BCCIP: variants seen among roughly 807,000 people sequenced by gnomAD.
BCCIP encodes the protein BRCA2 and CDKN1A interacting protein.
In BCCIP, 23 loss-of-function variants were observed where a neutral mutation model predicts 32.8. The observed-to-expected ratio is 0.70, with a 90% CI of 0.51 to 0.99. The LOEUF (loss-of-function observed/expected upper bound fraction) is 0.99. Among genes scored for constraint, BCCIP ranks in the 50% least tolerant of loss-of-function variants. The pLI is 0.00. For synonymous variants in BCCIP, 144 were observed against 137.6 expected (o/e 1.05, Z -0.33); for missense variants, 378 against 379.8 (o/e 1.00, Z 0.04).
exon 7 of BCCIP, chr10:125,842,291 A>G (rs563762214): frequency 2.4e-5 from 5 of 211,564 alleles, no homozygotes; most frequent in Admixed American, 6.1e-5. Flanking sequence ...AGAGAGACAC[A>G]CAGATCTAAG....
At chr10:125,843,945 T>C (rs17737550), downstream of BCCIP, among the ~76,000 whole-genome samples, 5,989 of 152,268 alleles carry the variant, frequency 0.039, 145 homozygotes, top group Middle Eastern at 0.071. Flanking sequence ...ATATGTTGAA[T>C]TTCCCTATTC....
At chr10:125,846,810 C>T (rs1328036301), downstream of BCCIP, among the ~76,000 whole-genome samples, 11 of 152,272 alleles carry the variant, frequency 7.2e-5, no homozygotes, top group African/African-American at 1.4e-4. Flanking sequence ...CTTTCTTGGG[C>T]GTTTTCGACT....
chr10:125,844,707 A>G (rs144774661), downstream of BCCIP, among the ~76,000 whole-genome samples: 57 of 152,366 alleles, frequency 3.7e-4, no homozygotes, highest in African/African-American at 1.3e-3. Context: ...CTGCTTAAGT[A>G]TAATCCATAG....
At chr10:125,835,951 C>G (rs1854669087) in intron 6 of BCCIP, among the ~76,000 whole-genome samples, 153 bp from the exon 7 acceptor site, 1 of 152,194 alleles carries the variant, frequency 6.6e-6, no homozygotes, top group Admixed American at 6.5e-5. Flanking sequence ...CCTGAATGTC[C>G]CATTTGAACT....
chr10:125,845,410 T>C (rs906909657), downstream of BCCIP, among the ~76,000 whole-genome samples: 1 of 152,216 alleles, frequency 6.6e-6, no homozygotes, highest in Non-Finnish European at 1.5e-5. Context: ...TATGCCAACA[T>C]ATTTATATGT....
intron 4 of BCCIP, 116 bp from the exon 5 acceptor site, chr10:125,831,304 G>A: frequency 4.2e-6 from 4 of 947,926 alleles, no homozygotes; most frequent in Non-Finnish European, 6.4e-6. Flanking sequence ...AGACGTTAAG[G>A]CTATGGCAGG....
intron 5 of BCCIP, 77 bp from the exon 6 acceptor site, chr10:125,833,695 G>T: frequency 6.6e-7 from 1 of 1,519,286 alleles, no homozygotes; most frequent in Non-Finnish European, 9.0e-7. Context: ...TGCCTCACCG[G>T]GTTTTCTGTG....
downstream of BCCIP, chr10:125,838,938 A>G (rs1415179511): frequency 1.4e-6 from 2 of 1,475,316 alleles, no homozygotes; most frequent in African/African-American, 2.8e-5. Context: ...CATTGTTGGC[A>G]GCATATCCTG....
chr10:125,828,137 A>G (rs1344618189), intron 3 of BCCIP, among the ~76,000 whole-genome samples: 2 of 152,184 alleles, frequency 1.3e-5, no homozygotes, highest in African/African-American at 4.8e-5. Context: ...GCTCATTTAG[A>G]AAATATTTGG....
intron 6 of BCCIP, among the ~76,000 whole-genome samples, chr10:125,834,523 C>T (rs887670103): frequency 6.6e-6 from 1 of 152,002 alleles, no homozygotes; most frequent in Non-Finnish European, 1.5e-5. Context: ...TTGAAGTGGG[C>T]CAGGTGCGGT....
chr10:125,837,917 A>G (rs1454845734), downstream of BCCIP, among the ~76,000 whole-genome samples: 2 of 152,042 alleles, frequency 1.3e-5, no homozygotes, highest in Non-Finnish European at 2.9e-5. Context: ...CATTCCTCTC[A>G]AGGTCAATGC....
chr10:125,852,534 C>T, intron 7 of BCCIP: 1 of 1,613,180 alleles, frequency 6.2e-7, no homozygotes, highest in African/African-American at 1.3e-5. Flanking sequence ...TTTGTGTCCA[C>T]AGCACTACCT....
chr10:125,835,489 G>A (rs1174641554), intron 6 of BCCIP, among the ~76,000 whole-genome samples: 2 of 151,456 alleles, frequency 1.3e-5, no homozygotes, highest in Non-Finnish European at 2.9e-5. Context: ...TGAGGCAGGA[G>A]AATGGTGTGA....
In BCCIP at chr10:125,827,140, T is replaced by C. The variant is rs536606445; in HGVS notation, c.241-418T>C. Among the ~76,000 whole-genome samples, 8 of 152,244 alleles carry C rather than the reference T, an allele frequency of 5.3e-5. 1 individual carries two copies. In the South Asian group the frequency reaches 1.7e-3, roughly 32 times the overall value. On this transcript the variant is annotated intron_variant, in intron 2 of 6. Coordinates refer to ENST00000278100, the MANE Select transcript of BCCIP (RefSeq NM_078468.3). ...AATTAGAGTTATTTTGTTTTTTTTT[T>C]TAATTCACAATTCTTATGTAACAGT...
downstream of BCCIP, among the ~76,000 whole-genome samples, chr10:125,844,631 G>C: frequency 6.6e-6 from 1 of 152,228 alleles, no homozygotes; most frequent in East Asian, 1.9e-4. Context: ...TATCTCCCCA[G>C]TGTGGCCCAT....
At chr10:125,851,821 TGTG>T (rs1944092800) in intron 7 of BCCIP, among the ~76,000 whole-genome samples, 1 of 149,934 alleles carries the variant, frequency 6.7e-6, no homozygotes, top group Admixed American at 6.7e-5. Context: ...TTTGGGAAGC[TGTG>T]GTGGGAGGAT....
At chr10:125,850,824 C>G (rs1306074643) in intron 7 of BCCIP, among the ~76,000 whole-genome samples, 1 of 152,222 alleles carries the variant, frequency 6.6e-6, no homozygotes, top group African/African-American at 2.4e-5. Context: ...CCTCTGAATA[C>G]AAAGATGACC....
intron 7 of BCCIP, among the ~76,000 whole-genome samples, chr10:125,852,002 C>G (rs78335973): frequency 2.3e-3 from 344 of 151,958 alleles, no homozygotes; most frequent in Admixed American, 4.2e-3. Flanking sequence ...TTCACCCTTA[C>G]GCTTCCATAC....
chr10:125,833,802 T>C lies in BCCIP; in HGVS notation c.630T>C (p.Asn210=), dbSNP rs1397881742. The C allele has an allele frequency of 6.2e-7, 1 of 1,614,180 alleles. No homozygotes were observed. The highest frequency in any genetic ancestry group is 8.5e-7 in the Non-Finnish European group (1 of 1,180,032). The part of the protein sequence containing the change: ...QKELAGAHRT[N]KPCGKCYFYL... Reference sequence around the variant, plus strand: ...AACTGGCGGGGGCACACAGAACCAATAAGCCATGTGGGAAGTGCTACTTTT... The same window carrying C: ...AACTGGCGGGGGCACACAGAACCAACAAGCCATGTGGGAAGTGCTACTTTT... The change falls in exon 6 of 7, where the codon AAT becomes AAC. Residue 210 remains asparagine (N), a synonymous_variant. Transcript: ENST00000278100.
Sources: allele counts gnomAD v4.1 joint callset (sites outside exome capture counted in the v4.1 genomes callset), GRCh38; gene constraint gnomAD v4.1.1; transcripts MANE v1.5; gene names NCBI Gene and HGNC (gene_info 2026-07-23, HGNC 2026-07-21).